The following FYB1 variants were observed in gnomAD, a reference collection of about 807,000 sequenced individuals.
FYB1 encodes FYN-binding protein 1.
A neutral mutation model predicts 94.1 loss-of-function variants in FYB1; 41 were observed. That is an observed-to-expected ratio of 0.44 (90% confidence interval 0.34 to 0.57). The LOEUF is 0.57. Among genes scored for constraint, FYB1 ranks in the 20% least tolerant of loss-of-function variants. FYB1 has a pLI of 0.02. For synonymous variants in FYB1, 367 were observed against 353.2 expected (o/e 1.04, Z -0.44); for missense variants, 1,050 against 976.8 (o/e 1.07, Z -1.00).
intron 16 of FYB1, among the ~76,000 whole-genome samples, chr5:39,116,985 A>T (rs388023): frequency 0.99 from 151,404 of 152,272 alleles, 75,339 homozygotes; most frequent in Middle Eastern, 1. Context: ...TATGGCAAGA[A>T]TTTCTTCTAC....
chr5:39,108,484 A>G (rs1398285488), intron 17 of FYB1, among the ~76,000 whole-genome samples: 1 of 152,088 alleles, frequency 6.6e-6, no homozygotes, highest in Non-Finnish European at 1.5e-5. Context: ...TAATTAAAAC[A>G]TGCTTCAAGA....
intron 3 of FYB1, among the ~76,000 whole-genome samples, chr5:39,153,223 A>G (rs1398666565): frequency 9.2e-5 from 14 of 152,188 alleles, no homozygotes; most frequent in Admixed American, 9.2e-4. Context: ...GGGAAACCCA[A>G]CATAAAACAG....
At chr5:39,190,768 T>TTGTGTGTGTG (rs3028815) in intron 2 of FYB1, among the ~76,000 whole-genome samples, 50,559 of 146,002 alleles carry the variant, frequency 0.35, 9,532 homozygotes, top group South Asian at 0.48. Context: ...CCATGCTTAT[T>TTGTGTGTGTG]TGTGTGTGTG....
chr5:39,140,967 A>G, intron 4 of FYB1, 128 bp downstream of exon 4: 1 of 659,540 alleles, frequency 1.5e-6, no homozygotes, highest in Non-Finnish European at 2.7e-6. Context: ...ATAAACAAAT[A>G]AAACGAGAGG....
At chr5:39,195,811 C>T (rs909649320) in intron 2 of FYB1, among the ~76,000 whole-genome samples, 3 of 152,146 alleles carry the variant, frequency 2.0e-5, no homozygotes, top group African/African-American at 7.2e-5. Context: ...TGTGTTGACA[C>T]ATGGGAAGAA....
rs552798944 is a variant in FYB1, at chr5:39,194,851, A to G, written c.1135+6975T>C. Among the ~76,000 whole-genome samples the G allele has an allele frequency of 5.9e-5, 9 of 152,286 alleles. No homozygotes were observed. In the South Asian group the frequency reaches 1.9e-3, roughly 32 times the overall value. On this transcript the variant is annotated intron_variant, in intron 2 of 18. Transcript: ENST00000512982. ...CCTCAGACACGTCAACATGCACCAG[A>G]AGGAAGAAGCCCTGGAGGTCTTCTG...
At chr5:39,148,203 A>ATATG (rs1742918376) in intron 3 of FYB1, among the ~76,000 whole-genome samples, 1 of 76,452 alleles carries the variant, frequency 1.3e-5, no homozygotes, top group Non-Finnish European at 2.6e-5. Flanking sequence ...ATATATATAT[A>ATATG]TATATTTGTA....
chr5:39,219,299 T>C (rs1045180018), intron 1 of FYB1, 144 bp downstream of exon 1: 2 of 370,266 alleles, frequency 5.4e-6, no homozygotes, highest in Admixed American at 6.4e-5. Context: ...TTCATCTCTT[T>C]TGCTATTTTC....
intron 1 of FYB1, among the ~76,000 whole-genome samples, chr5:39,267,456 T>C (rs1213317411): frequency 1.3e-5 from 2 of 152,066 alleles, no homozygotes; most frequent in African/African-American, 4.8e-5. Flanking sequence ...AAGTGACTTA[T>C]GGAAAACAAG....
chr5:39,224,924 A>T (rs917521854), intron 1 of FYB1, among the ~76,000 whole-genome samples: 1 of 152,158 alleles, frequency 6.6e-6, no homozygotes, highest in Non-Finnish European at 1.5e-5. Context: ...AGCTTCTAAA[A>T]TTCTAGAAAT....
chr5:39,199,656 G>GT (rs1332056093), intron 2 of FYB1, among the ~76,000 whole-genome samples: 2 of 151,954 alleles, frequency 1.3e-5, no homozygotes, highest in South Asian at 4.1e-4. Flanking sequence ...CGGGGTGGGG[G>GT]GTAGTATTTA....
intron 2 of FYB1, among the ~76,000 whole-genome samples, chr5:39,200,823 G>C (rs2150491001): frequency 6.6e-6 from 1 of 152,324 alleles, no homozygotes; most frequent in South Asian, 2.1e-4. Flanking sequence ...TAAGGAGAAA[G>C]ATGCGACTAC....
intron 14 of FYB1, among the ~76,000 whole-genome samples, chr5:39,121,623 A>T (rs1277187815): frequency 6.6e-6 from 1 of 152,106 alleles, no homozygotes; most frequent in Non-Finnish European, 1.5e-5. Flanking sequence ...TTTTATACTC[A>T]GTATGTATCA....
Position 39,171,117 on chromosome 5 carries a change from G to A in FYB1, c.1136-17513C>T, listed in dbSNP as rs565587238. ...AGCCTGGCCAACATGGTGAAACCCC[G>A]TCTCTACTAAAAATACAAAAAAATT... On this transcript the variant is annotated intron_variant, in intron 2 of 18. Coordinates refer to ENST00000512982, the MANE Select transcript of FYB1 (RefSeq NM_001465.6). Among the ~76,000 whole-genome samples the A allele has an allele frequency of 2.6e-5, 4 of 151,928 alleles. No individual in the cohort carries two copies. The East Asian group carries it at 7.7e-4, about 29-fold the overall frequency.
chr5:39,236,491 T>C (rs1750972874), intron 1 of FYB1, among the ~76,000 whole-genome samples: 1 of 152,058 alleles, frequency 6.6e-6, no homozygotes, highest in African/African-American at 2.4e-5. Flanking sequence ...GGAATTATAA[T>C]GGTTTGGAAA....
chr5:39,171,969 TGAG>T (rs1180890266), intron 2 of FYB1, among the ~76,000 whole-genome samples: 1 of 151,978 alleles, frequency 6.6e-6, no homozygotes, highest in Non-Finnish European at 1.5e-5. Context: ...GTAAAGATAA[TGAG>T]GAGAATCAGA....
chr5:39,149,785 G>A (rs563896689), intron 3 of FYB1, among the ~76,000 whole-genome samples: 7 of 152,144 alleles, frequency 4.6e-5, no homozygotes, highest in South Asian at 2.1e-4. Context: ...AGACCCCGGC[G>A]TTATTGATTG....
chr5:39,271,549 G>A (rs1037085234), intron 1 of FYB1, among the ~76,000 whole-genome samples: 1 of 152,036 alleles, frequency 6.6e-6, no homozygotes, highest in Non-Finnish European at 1.5e-5. Context: ...TTTAGTGTAA[G>A]GTCACCAAAT....
At chr5:39,238,689 G>A (rs1289237347) in intron 1 of FYB1, among the ~76,000 whole-genome samples, 1 of 152,072 alleles carries the variant, frequency 6.6e-6, no homozygotes, top group South Asian at 2.1e-4. Flanking sequence ...CATCAAATCA[G>A]CACAAAATCT....
Sources: gnomAD v4.1 joint callset for allele counts (sites outside exome capture counted in the v4.1 genomes callset) on GRCh38, gnomAD v4.1.1 for gene constraint, MANE v1.5 for transcripts, NCBI Gene and HGNC (gene_info 2026-07-23, HGNC 2026-07-21) for gene names.